CT55: variants seen among roughly 807,000 people sequenced by gnomAD.
CT55 encodes the protein cancer/testis antigen 55, also known as BRCA2-interacting protein.
Under a neutral mutation model 12.6 loss-of-function variants are expected in CT55, and 1 was observed. The ratio of observed to expected loss-of-function variants is 0.08; its 90% CI spans 0.03 to 0.38. The LOEUF (loss-of-function observed/expected upper bound fraction) is 0.38. CT55 is among the 10% of genes least tolerant of loss of function. CT55 has a pLI of 0.99. For synonymous variants in CT55, 43 were observed against 49.7 expected (o/e 0.87, Z 0.57); for missense variants, 109 against 135.4 (o/e 0.80, Z 0.97).
chrX:135,160,279 G>T (rs2083557121), intron 3 of CT55, 132 bp downstream of exon 3: 2 of 633,803 alleles, frequency 3.2e-6, no homozygotes, highest in African/African-American at 2.3e-5. Context: ...ACTTAATTTC[G>T]ATTGGAACAG....
intron 2 of CT55, among the ~76,000 whole-genome samples, chrX:135,166,203 C>T (rs1556406003): frequency 9.0e-6 from 1 of 110,677 alleles, no homozygotes; most frequent in Non-Finnish European, 1.9e-5. Flanking sequence ...GTTGCAAAAT[C>T]TTTAACAAAG....
chrX:135,158,143 T>C (rs781859639), intron 4 of CT55, 56 bp downstream of exon 4: 59 of 702,594 alleles, frequency 8.4e-5, no homozygotes, highest in South Asian at 3.1e-4. Context: ...ACGTAAATTA[T>C]CACCAAAGGA....
chrX:135,161,123 G>A (rs782254040), intron 2 of CT55, among the ~76,000 whole-genome samples: 2 of 110,022 alleles, frequency 1.8e-5, no homozygotes, highest in East Asian at 5.7e-4. Context: ...GGAGACAGAA[G>A]CATGAGATAA....
At position 135,171,357 on chromosome X, in the gene CT55, C is replaced by T. The variant is rs189194889; in HGVS notation, c.-186G>A. 21 of 846,093 alleles carry T rather than the reference C, an allele frequency of 2.5e-5. No homozygotes were observed. The African/African-American group carries it at 4.1e-4, about 17-fold the overall frequency. The allele number at this position is 846,093 out of a possible 1,213,427, so 69.7% of individuals were successfully genotyped here. A position where few individuals can be genotyped will look rare whatever the true frequency, so the allele number is the denominator to read the frequency against. On this transcript the variant is annotated 5_prime_UTR_variant, in exon 1 of 6. Coordinates refer to ENST00000276241, the MANE Select transcript of CT55 (RefSeq NM_001031705.3). ...CTCAGGAGAGTCAGGGACACCGCAG[C>T]CTCCAAAGGAGCTCCCAGCTTCTCC...
intron 2 of CT55, among the ~76,000 whole-genome samples, chrX:135,161,956 G>A (rs1482973239): frequency 5.3e-5 from 6 of 112,472 alleles, no homozygotes; most frequent in African/African-American, 1.6e-4. Context: ...TTGACTCCAC[G>A]CCAACTCACA....
chrX:135,159,899 G>A (rs2083555092), intron 3 of CT55, among the ~76,000 whole-genome samples: 1 of 109,902 alleles, frequency 9.1e-6, no homozygotes, highest in African/African-American at 3.3e-5. Flanking sequence ...GAATATATCT[G>A]CCGATTACAA....
At position 135,166,822 on chromosome X, in the gene CT55, G is replaced by A. The variant is rs187372900; in HGVS notation, c.279+2772C>T. On this transcript the variant is annotated intron_variant, in intron 2 of 5. Coordinates refer to ENST00000276241, the MANE Select transcript of CT55 (RefSeq NM_001031705.3). ...CTATACACCAATAGGGAACTATCTG[G>A]AAAAGATATCAAGAAACAATCCCAT... 6.6e-3 allele frequency among the ~76,000 whole-genome samples: 739 copies of A among 111,131 alleles called. 2 individuals are homozygous for A. The highest frequency in any genetic ancestry group is 0.013 in the Admixed American group (132 of 10,451).
intron 3 of CT55, 146 bp downstream of exon 3, chrX:135,160,265 C>A: frequency 1.8e-6 from 1 of 557,303 alleles, no homozygotes; most frequent in Non-Finnish European, 2.7e-6. Flanking sequence ...TGCCCCTATA[C>A]TGTACTTAAT....
In CT55 at chrX:135,162,019, C is replaced by T. The variant is rs782120178; in HGVS notation, c.280-1464G>A. 3.5e-5 allele frequency among the ~76,000 whole-genome samples: 4 copies of T among 112,752 alleles called. No homozygotes were observed. In the South Asian group the frequency reaches 1.1e-3, roughly 31 times the overall value. On this transcript the variant is annotated intron_variant, in intron 2 of 5. Coordinates refer to ENST00000276241, the MANE Select transcript of CT55 (RefSeq NM_001031705.3). ...TGTCTCATGGCTCCCAGCTCTGTTTCTTATGCCTTGCAAAGACGACCAACA... is the reference window on the plus strand; with the variant it reads ...TGTCTCATGGCTCCCAGCTCTGTTTTTTATGCCTTGCAAAGACGACCAACA...
chrX:135,159,925 AACACACAC>A, intron 3 of CT55, among the ~76,000 whole-genome samples: 1 of 105,433 alleles, frequency 9.5e-6, no homozygotes, highest in East Asian at 3.0e-4. Flanking sequence ...ATTCAACAAC[AACACACAC>A]ACACACACAC....
intron 2 of CT55, among the ~76,000 whole-genome samples, chrX:135,166,508 T>C (rs1556406055): frequency 9.0e-6 from 1 of 111,667 alleles, no homozygotes; most frequent in African/African-American, 3.3e-5. Context: ...TCATACTGAA[T>C]GGGGAAGTGT....
At chrX:135,160,962 C>G (rs1161045611) in intron 2 of CT55, among the ~76,000 whole-genome samples, 1 of 110,878 alleles carries the variant, frequency 9.0e-6, no homozygotes, top group Non-Finnish European at 1.9e-5. Flanking sequence ...ACATTTCAGA[C>G]AGGGAGAAAA....
chrX:135,163,791 A>G (rs1372751880), intron 2 of CT55, among the ~76,000 whole-genome samples: 1 of 111,848 alleles, frequency 8.9e-6, no homozygotes, highest in Non-Finnish European at 1.9e-5. Flanking sequence ...AAATAAAGAA[A>G]GAATCCTGAG....
intron 2 of CT55, among the ~76,000 whole-genome samples, chrX:135,166,061 A>C (rs2083583483): frequency 1.0e-5 from 1 of 97,467 alleles, no homozygotes; most frequent in Non-Finnish European, 2.0e-5. Flanking sequence ...AAAAAAAAAA[A>C]AAACGGACAA....
intron 2 of CT55, among the ~76,000 whole-genome samples, chrX:135,164,357 A>G (rs1314704987): frequency 5.3e-5 from 6 of 112,195 alleles, no homozygotes; most frequent in African/African-American, 1.9e-4. Context: ...TATCAGTAAA[A>G]TAATCTGCCG....
chrX:135,170,989 C>G (rs1556406720), intron 1 of CT55, 89 bp downstream of exon 1: 3 of 1,159,323 alleles, frequency 2.6e-6, no homozygotes, highest in Non-Finnish European at 3.5e-6. Context: ...AGTACCCACC[C>G]GAGTTACAAC....
intron 2 of CT55, among the ~76,000 whole-genome samples, chrX:135,166,587 G>T (rs1179661988): frequency 8.9e-6 from 1 of 111,848 alleles, no homozygotes; most frequent in Non-Finnish European, 1.9e-5. Flanking sequence ...ATCGCACATA[G>T]TTCTGGAAGT....
intron 3 of CT55, among the ~76,000 whole-genome samples, 191 bp downstream of exon 3, chrX:135,160,220 T>C (rs1210270491): frequency 9.0e-6 from 1 of 111,322 alleles, no homozygotes; most frequent in Non-Finnish European, 1.9e-5. Context: ...GAACACACAA[T>C]AACCAACAGC....
intron 2 of CT55, among the ~76,000 whole-genome samples, chrX:135,163,900 ATAGTATACTT>A (rs2083572460): frequency 9.0e-6 from 1 of 111,138 alleles, no homozygotes; most frequent in Non-Finnish European, 1.9e-5. Flanking sequence ...AGAGAGTAGT[ATAGTATACTT>A]TAGGAACACA....
Sources: allele counts gnomAD v4.1 joint callset (sites outside exome capture counted in the v4.1 genomes callset), GRCh38; gene constraint gnomAD v4.1.1; transcripts MANE v1.5; gene names NCBI Gene and HGNC (gene_info 2026-07-23, HGNC 2026-07-21).